Variants in FIG4 observed in about 807,000 individuals in gnomAD.
FIG4 encodes the protein polyphosphoinositide phosphatase.
FIG4 carries 112 observed loss-of-function variants against 118.6 expected under a neutral mutation model. The ratio of observed to expected loss-of-function variants is 0.94; its 90% confidence interval spans 0.81 to 1.11. FIG4 has a LOEUF of 1.11. Among genes scored for constraint, FIG4 ranks in the 50% least tolerant of loss-of-function variants. The pLI is 0.00. For missense variants in FIG4, 969 were observed against 1,111.7 expected, an observed-to-expected ratio of 0.87 and a Z score of 1.83; for synonymous variants, 369 against 381.2, an observed-to-expected ratio of 0.97 and a Z score of 0.37.
Position 109,741,491 on chromosome 6 carries a change from A to C in FIG4, c.823A>C (p.Arg275=). The part of the protein sequence containing the change: ...RPVYVTLIAR[R]SSKFAGTRFL... ...AGTGTATGTCACTCTAATAGCTAGA[A>C]GATCCAGTAAATTTGCTGGCACCCG... is the stretch of plus-strand genomic sequence containing the variant. Residue 275 remains arginine, a synonymous_variant, in exon 8 of 23, where the codon AGA becomes CGA. Transcript: ENST00000230124. 1.2e-6 allele frequency: 2 copies of C among 1,613,508 alleles called. No homozygotes were observed. The highest frequency in any genetic ancestry group is 1.7e-6 in the Non-Finnish European group (2 of 1,179,538).
chr6:109,775,542 G>A (rs997435634), intron 15 of FIG4, among the ~76,000 whole-genome samples: 6 of 152,132 alleles, frequency 3.9e-5, no homozygotes, highest in African/African-American at 1.2e-4. Flanking sequence ...TACGTAGAAT[G>A]AACTATTAAG....
At position 109,792,997 on chromosome 6, in the gene FIG4, A is replaced by G. The variant is rs1236341960; in HGVS notation, c.2459+333A>G. Among the ~76,000 whole-genome samples, 3 of 152,178 alleles carry G rather than the reference A, an allele frequency of 2.0e-5. No homozygotes were observed. The East Asian group carries it at 5.8e-4, about 29-fold the overall frequency. ...TGAGCCACTGCGTCCAGCCTAATAT[A>G]ACTTTTAAGAAATGAAAATAGTCAG... On this transcript the variant is annotated intron_variant, in intron 21 of 22. Coordinates refer to ENST00000230124, the MANE Select transcript of FIG4 (RefSeq NM_014845.6).
intron 10 of FIG4, among the ~76,000 whole-genome samples, chr6:109,745,297 G>A (rs1776456546): frequency 6.6e-6 from 1 of 152,114 alleles, no homozygotes. Flanking sequence ...GTCATCTCCA[G>A]CACCTGTTGT....
rs1453521546 is a variant in FIG4, at chr6:109,741,480, T to C, written c.812T>C (p.Leu271Pro). The change falls in exon 8 of 23, where the codon CTA becomes CCA. Residue 271 changes from leucine (L) to proline (P), a missense_variant. Coordinates refer to ENST00000230124, the MANE Select transcript of FIG4 (RefSeq NM_014845.6). Reference protein sequence around the residue: ...LIYGRPVYVTLIARRSSKFAG... With the variant: ...LIYGRPVYVTPIARRSSKFAG... ...TATGGACGACCAGTGTATGTCACTC[T>C]AATAGCTAGAAGATCCAGTAAATTT... The C allele has an allele frequency of 6.2e-7, 1 of 1,613,384 alleles. No individual in the cohort carries two copies. Among genetic ancestry groups the C allele is most frequent in the South Asian group, 1.1e-5 (1 of 91,086 alleles).
intron 15 of FIG4, 117 bp downstream of exon 15, chr6:109,767,012 AAC>A (rs386704759): frequency 1.2e-6 from 1 of 834,876 alleles, no homozygotes; most frequent in Middle Eastern, 2.9e-4. Context: ...GTTTAAATAA[AAC>A]AGTCTGTCAC....
At position 109,726,847 on chromosome 6, in the gene FIG4, G is replaced by A. The variant is rs148533932; in HGVS notation, c.290-262G>A. Among the ~76,000 whole-genome samples, 55 of 152,112 alleles carry A rather than the reference G, an allele frequency of 3.6e-4. No homozygotes were observed. In the East Asian group the frequency reaches 0.01, roughly 29 times the overall value. ...CGTGCCTTGTAAGTTGTATTCCTAG[G>A]TATTTTATTCTCTTTGTAGCAATTG... On this transcript the variant is annotated intron_variant, in intron 3 of 22. Coordinates refer to ENST00000230124, the MANE Select transcript of FIG4 (RefSeq NM_014845.6).
In FIG4 at chr6:109,756,262, G is replaced by A. The variant is rs1776895081; in HGVS notation, c.1138-3988G>A. 3.3e-5 allele frequency among the ~76,000 whole-genome samples: 5 copies of A among 152,202 alleles called. No homozygotes were observed. In the South Asian group the frequency reaches 1.0e-3, roughly 32 times the overall value. ...TTTTCTTTAAGAATGTTGAATATTG[G>A]CCCCCACTCTCTTCTGGCTTGTAGA... is the stretch of plus-strand genomic sequence containing the variant. On this transcript the variant is annotated intron_variant, in intron 10 of 22. Coordinates refer to ENST00000230124, the MANE Select transcript of FIG4 (RefSeq NM_014845.6).
chr6:109,815,687 T>C (rs757659596), intron 22 of FIG4, among the ~76,000 whole-genome samples: 12 of 151,964 alleles, frequency 7.9e-5, no homozygotes, highest in Admixed American at 2.0e-4. Flanking sequence ...GAAAGGGACA[T>C]TGTGCTCCCC....
At chr6:109,822,920 A>C (rs560324249) in intron 22 of FIG4, among the ~76,000 whole-genome samples, 7 of 149,212 alleles carry the variant, frequency 4.7e-5, no homozygotes, top group African/African-American at 1.5e-4. Flanking sequence ...GTGTATATAT[A>C]TATACACCAT....
At chr6:109,776,073 T>C (rs1335341371) in intron 15 of FIG4, among the ~76,000 whole-genome samples, 1 of 152,140 alleles carries the variant, frequency 6.6e-6, no homozygotes, top group Non-Finnish European at 1.5e-5. Flanking sequence ...TACAGGGCTC[T>C]GAGACAAGAA....
rs754127221 is a variant in FIG4 at position 109,776,979 on chromosome 6, G to A, written c.1808G>A (p.Gly603Glu). 2 of 1,613,356 alleles carry A rather than the reference G, an allele frequency of 1.2e-6. No homozygotes were observed. Among genetic ancestry groups the A allele is most frequent in the Non-Finnish European group, 1.7e-6 (2 of 1,179,478 alleles). The change falls in exon 16 of 23, where the codon GGG becomes GAG. Residue 603 changes from glycine (G) to glutamate (E), a missense_variant. By Grantham distance (98) the Gly-to-Glu change is moderately conservative. Transcript: ENST00000230124. ...CTGGGAGTTTTCCATCCCACTGAAG[G>A]GAAACCTCATCTCTGGGAGCTCCCA... is the stretch of plus-strand genomic sequence containing the variant. ...LFLGVFHPTE[G>E]KPHLWELPTD...
chr6:109,786,570 A>G (rs1777964966), intron 18 of FIG4, 121 bp downstream of exon 18: 5 of 959,910 alleles, frequency 5.2e-6, no homozygotes, highest in Non-Finnish European at 8.4e-6. Flanking sequence ...TGGGTAGTCC[A>G]CCTTTGAATA....
rs949145131 is a variant in FIG4 at position 109,695,623 on chromosome 6, C to CAA, written c.66+4123_66+4124dup. On this transcript the variant is annotated intron_variant, in intron 1 of 22. Coordinates refer to ENST00000230124, the MANE Select transcript of FIG4 (RefSeq NM_014845.6). ...ACAGACACACACACACACACACACA[C>CAA]AATGTTGCCATGACCTTTCCTCTTG... Among the ~76,000 whole-genome samples the CAA allele has an allele frequency of 3.9e-4, 60 of 152,158 alleles. 1 individual carries two copies. The highest frequency in any genetic ancestry group is 1.4e-3 in the Admixed American group (22 of 15,280).
rs55816845 is a variant in FIG4 at position 109,760,228 on chromosome 6, A to G, written c.1138-22A>G. The G allele has an allele frequency of 3.2e-3, 5,124 of 1,605,760 alleles. 7 individuals are homozygous for G. The highest frequency in any genetic ancestry group is 3.9e-3 in the Non-Finnish European group (4,544 of 1,172,534). ...TGATTTAAGGAAATTAGAACACTGA[A>G]AATGTTTAATTTTTGATAAAGGAAC... On this transcript the variant is annotated intron_variant, in intron 10 of 22. Coordinates refer to ENST00000230124, the MANE Select transcript of FIG4 (RefSeq NM_014845.6).
intron 21 of FIG4, 112 bp downstream of exon 21, chr6:109,792,776 G>A (rs922025544): frequency 9.8e-5 from 61 of 625,404 alleles, no homozygotes; most frequent in Middle Eastern, 9.0e-4. Context: ...GTCTTGCTCT[G>A]TTGCCCAGGC....
chr6:109,760,434 A>C (rs754650216), intron 11 of FIG4, 51 bp downstream of exon 11: 3 of 1,513,298 alleles, frequency 2.0e-6, no homozygotes, highest in Non-Finnish European at 2.8e-6. Flanking sequence ...TCTTGTGATG[A>C]GAAATAACAG....
intron 22 of FIG4, among the ~76,000 whole-genome samples, chr6:109,811,310 A>C (rs144471145): frequency 5.7e-4 from 87 of 152,304 alleles, no homozygotes; most frequent in African/African-American, 2.0e-3. Flanking sequence ...ACCTGTAAAC[A>C]TTCCATGATT....
chr6:109,761,354 C>A (rs529501595), intron 11 of FIG4, among the ~76,000 whole-genome samples: 26 of 151,898 alleles, frequency 1.7e-4, no homozygotes, highest in Non-Finnish European at 3.1e-4. Flanking sequence ...CCGTGCCTGG[C>A]TAATTTTTTG....
intron 21 of FIG4, 124 bp downstream of exon 21, chr6:109,792,788 G>A (rs1554309184): frequency 3.3e-6 from 2 of 605,596 alleles, no homozygotes; most frequent in Non-Finnish European, 5.7e-6. Context: ...TGCCCAGGCT[G>A]TAGTGCAGTG....
Sources: gnomAD v4.1 joint callset for allele counts (sites outside exome capture counted in the v4.1 genomes callset) on GRCh38, gnomAD v4.1.1 for gene constraint, MANE v1.5 for transcripts, NCBI Gene and HGNC (gene_info 2026-07-23, HGNC 2026-07-21) for gene names.